The following DNM3 variants were observed in gnomAD, a reference collection of about 807,000 sequenced individuals.
The protein encoded by DNM3 is dynamin-3.
A neutral mutation model predicts 101.6 loss-of-function variants in DNM3; 47 were observed. That is an observed-to-expected ratio of 0.46 (90% CI 0.37 to 0.59). The LOEUF is 0.59. DNM3 is among the 20% of genes least tolerant of loss of function. The pLI is 0.00. For missense variants in DNM3, 849 were observed against 1,085.7 expected (o/e 0.78, Z 3.06); for synonymous variants, 385 against 387.9 (o/e 0.99, Z 0.09).
chr1:171,933,123 G>A (rs566390791), intron 2 of DNM3, among the ~76,000 whole-genome samples: 1 of 152,124 alleles, frequency 6.6e-6, no homozygotes, highest in Non-Finnish European at 1.5e-5. Flanking sequence ...TCAAAATGGG[G>A]TTTTTGCATT....
intron 14 of DNM3, among the ~76,000 whole-genome samples, chr1:172,145,197 G>C (rs2057813868): frequency 6.6e-6 from 1 of 152,144 alleles, no homozygotes; most frequent in Non-Finnish European, 1.5e-5. Flanking sequence ...ATAGTAAACA[G>C]AAAGTTGAAC....
chr1:171,942,200 G>GT (rs2041859779), intron 2 of DNM3, among the ~76,000 whole-genome samples: 1 of 73,788 alleles, frequency 1.4e-5, no homozygotes, highest in African/African-American at 5.0e-5. Flanking sequence ...CTGCTCACTT[G>GT]ATTTTTTTTT....
chr1:172,302,419 A>G (rs561917127), intron 15 of DNM3, among the ~76,000 whole-genome samples: 1 of 152,234 alleles, frequency 6.6e-6, no homozygotes, highest in South Asian at 2.1e-4. Context: ...TGCTACCTCT[A>G]TGGACTCCAC....
In DNM3 at chr1:172,092,821, C is replaced by T; in HGVS notation, c.1494-3C>T. On this transcript the variant is annotated splice_region_variant and splice_polypyrimidine_tract_variant and intron_variant, in intron 12 of 20. Transcript: ENST00000627582. ...CAGTGCTGCTTTCCTTTGCTTTTCT[C>T]AGTGCTCAGCAGAGGAGCAGTCAGG... 6.4e-7 allele frequency: 1 copy of T among 1,554,974 alleles called. No homozygotes were observed. Among genetic ancestry groups the T allele is most frequent in the Non-Finnish European group, 8.7e-7 (1 of 1,148,696 alleles).
At chr1:172,296,284 A>G (rs1047637257) in intron 15 of DNM3, among the ~76,000 whole-genome samples, 3 of 152,232 alleles carry the variant, frequency 2.0e-5, no homozygotes, top group African/African-American at 7.2e-5. Flanking sequence ...TGATGCCAGC[A>G]TTCAGACAAG....
chr1:171,843,555 T>G (rs1245797683), intron 1 of DNM3, among the ~76,000 whole-genome samples: 2 of 152,230 alleles, frequency 1.3e-5, no homozygotes, highest in African/African-American at 4.8e-5. Flanking sequence ...CTGTAAGTAT[T>G]TCAAATGAAA....
chr1:172,252,005 G>A (rs1179816298), intron 14 of DNM3, among the ~76,000 whole-genome samples: 1 of 152,062 alleles, frequency 6.6e-6, no homozygotes, highest in Non-Finnish European at 1.5e-5. Context: ...TTATGTATTT[G>A]CTGTTTAGAA....
intron 14 of DNM3, among the ~76,000 whole-genome samples, chr1:172,184,231 A>G (rs181725427): frequency 1.1e-4 from 17 of 152,278 alleles, no homozygotes; most frequent in Non-Finnish European, 2.1e-4. Context: ...GAGAATTTAG[A>G]TATGTAGTCT....
chr1:172,372,658 T>G (rs1275846903), intron 17 of DNM3, among the ~76,000 whole-genome samples: 1 of 151,008 alleles, frequency 6.6e-6, no homozygotes, highest in Non-Finnish European at 1.5e-5. Context: ...CAATGTAGTA[T>G]GAAATCTTGT....
At chr1:172,393,116 G>T (rs1304419480) in intron 20 of DNM3, 1 of 152,164 alleles carries the variant, frequency 6.6e-6, no homozygotes, top group Non-Finnish European at 1.5e-5. Context: ...CACATTTTCA[G>T]TAATTTATTA....
intron 14 of DNM3, among the ~76,000 whole-genome samples, chr1:172,171,581 A>G (rs535278671): frequency 2.8e-4 from 42 of 151,770 alleles, no homozygotes; most frequent in Non-Finnish European, 4.9e-4. Flanking sequence ...TAAAACAGTT[A>G]GGTAGAGTAG....
At chr1:172,283,780 A>AAAAAAAAGAAAG (rs1553221113) in intron 15 of DNM3, among the ~76,000 whole-genome samples, 46 of 118,968 alleles carry the variant, frequency 3.9e-4, no homozygotes, top group Non-Finnish European at 6.8e-4. Flanking sequence ...AAAAAAAAAA[A>AAAAAAAAGAAAG]AAAGAAAGAA....
intron 15 of DNM3, among the ~76,000 whole-genome samples, chr1:172,304,128 G>A (rs1284641298): frequency 6.7e-6 from 1 of 149,228 alleles, no homozygotes; most frequent in African/African-American, 2.5e-5. Context: ...CTGTATTCAG[G>A]AGACCCATCT....
At chr1:172,288,682 AAG>A (rs1420539718) in intron 15 of DNM3, among the ~76,000 whole-genome samples, 2 of 152,170 alleles carry the variant, frequency 1.3e-5, no homozygotes, top group South Asian at 2.1e-4. Context: ...GTAGGGGAGA[AAG>A]AGATGTCGTG....
chr1:172,372,674 A>ATTTTTTT (rs71107346), intron 17 of DNM3, among the ~76,000 whole-genome samples: 1 of 79,006 alleles, frequency 1.3e-5, no homozygotes, highest in African/African-American at 3.9e-5. Context: ...CTTGTAATTA[A>ATTTTTTT]TTTTTTTTTT....
chr1:172,148,675 T>G (rs2148215148), intron 14 of DNM3, among the ~76,000 whole-genome samples: 1 of 152,246 alleles, frequency 6.6e-6, no homozygotes, highest in South Asian at 2.1e-4. Flanking sequence ...TGTTTTCTCC[T>G]TCCCAGTTTG....
At chr1:171,978,848 A>AT in intron 2 of DNM3, among the ~76,000 whole-genome samples, 1 of 152,288 alleles carries the variant, frequency 6.6e-6, no homozygotes, top group East Asian at 1.9e-4. Context: ...GAACAGGTAT[A>AT]TTTTGAGATA....
intron 16 of DNM3, among the ~76,000 whole-genome samples, chr1:172,319,450 C>T (rs1282490191): frequency 6.6e-6 from 1 of 152,060 alleles, no homozygotes; most frequent in Non-Finnish European, 1.5e-5. Context: ...AGTGAACAGG[C>T]AAAATGGGAG....
At chr1:172,063,293 C>G (rs1056788709) in intron 10 of DNM3, among the ~76,000 whole-genome samples, 1 of 151,680 alleles carries the variant, frequency 6.6e-6, no homozygotes, top group African/African-American at 2.4e-5. Flanking sequence ...TAGCGTAGAT[C>G]TTATGGTCTG....
Sources: gnomAD v4.1 joint callset for allele counts (sites outside exome capture counted in the v4.1 genomes callset) on GRCh38, gnomAD v4.1.1 for gene constraint, MANE v1.5 for transcripts, NCBI Gene and HGNC (gene_info 2026-07-23, HGNC 2026-07-21) for gene names.